Variants in UBE2D2 observed in about 807,000 individuals in gnomAD.
UBE2D2 encodes ubiquitin conjugating enzyme E2 D2.
In UBE2D2, 2 loss-of-function variants were observed where a neutral mutation model predicts 24.2. The observed-to-expected ratio is 0.08, with a 90% CI of 0.03 to 0.26. The LOEUF is 0.26. UBE2D2 is among the 10% of genes least tolerant of loss of function. The pLI is 1.00. For missense variants in UBE2D2, 44 were observed against 177.6 expected (o/e 0.25, Z 4.28); for synonymous variants, 58 against 56.5 (o/e 1.03, Z -0.12).
At position 139,526,649 on chromosome 5, in the gene UBE2D2, G is replaced by A. The variant is rs529532481; in HGVS notation, c.-64+37G>A. On this transcript the variant is annotated intron_variant, in intron 1 of 6. Coordinates refer to the UBE2D2 transcript ENST00000511725. ...CTTTGGAACTTGCCCCACTCCATCT[G>A]AGTGGAAGCGTGGCCTGATCACCCA... 4 of 152,348 alleles carry A rather than the reference G, an allele frequency of 2.6e-5. No individual in the cohort carries two copies. The East Asian group carries it at 7.7e-4, about 29-fold the overall frequency. 9.4% of individuals were successfully genotyped at this position (152,348 alleles called of 1,614,324 possible).
intron 1 of UBE2D2, among the ~76,000 whole-genome samples, chr5:139,589,306 C>T (rs964380847): frequency 6.6e-6 from 1 of 151,986 alleles, no homozygotes; most frequent in Non-Finnish European, 1.5e-5. Context: ...TGCTTGTATT[C>T]CCAGCACTTT....
chr5:139,529,357 C>T (rs373442859), intron 1 of UBE2D2, among the ~76,000 whole-genome samples: 1 of 152,080 alleles, frequency 6.6e-6, no homozygotes, highest in Non-Finnish European at 1.5e-5. Flanking sequence ...AAAATGTAAT[C>T]TTAAAATTTG....
At position 139,555,625 on chromosome 5, in the gene UBE2D2, C is replaced by CT. The variant is rs1357378096; in HGVS notation, c.-64+29016dup. On this transcript the variant is annotated intron_variant, in intron 1 of 6. Transcript: ENST00000511725. ...ATAAAATTGGTCATCTAAACTCCTA[C>CT]TTTAAGAATCTAGAAAAACGGCCAG... Among the ~76,000 whole-genome samples the CT allele has an allele frequency of 3.3e-5, 5 of 152,002 alleles. No individual in the cohort carries two copies. The East Asian group carries it at 9.6e-4, about 29-fold the overall frequency.
intron 1 of UBE2D2, among the ~76,000 whole-genome samples, chr5:139,573,735 T>C (rs1290414383): frequency 6.6e-6 from 1 of 152,050 alleles, no homozygotes; most frequent in Admixed American, 6.6e-5. Context: ...TTTGGGAGGC[T>C]GAGGCGGGCG....
At chr5:139,597,906 A>C (rs1346451825) in intron 1 of UBE2D2, among the ~76,000 whole-genome samples, 1 of 151,936 alleles carries the variant, frequency 6.6e-6, no homozygotes, top group Non-Finnish European at 1.5e-5. Context: ...TTCAAACTTT[A>C]TTTCTTTTTT....
rs908713439 is a variant in UBE2D2, at chr5:139,536,058, A to G, written c.-64+9446A>G. On this transcript the variant is annotated intron_variant, in intron 1 of 6. Coordinates refer to the UBE2D2 transcript ENST00000511725. ...CAGGCACCCACCACCACACCCGGCT[A>G]AGTTTTGTATTTTTATTTATGTATT... Among the ~76,000 whole-genome samples the G allele has an allele frequency of 2.6e-5, 4 of 150,998 alleles. No homozygotes were observed. In the East Asian group the frequency reaches 7.8e-4, roughly 30 times the overall value.
rs1754597069 is a variant in UBE2D2 at position 139,625,334 on chromosome 5, C to CT, written c.399-1421dup. 2.3e-5 allele frequency among the ~76,000 whole-genome samples: 3 copies of CT among 132,994 alleles called. No individual in the cohort carries two copies. The Admixed American group carries it at 2.5e-4, about 11-fold the overall frequency. The allele number at this position is 132,994 out of a possible 152,430, so 87.2% of individuals were successfully genotyped here. On this transcript the variant is annotated intron_variant, in intron 6 of 6. Coordinates refer to ENST00000398733, the MANE Select transcript of UBE2D2 (RefSeq NM_003339.3). ...CTCACTATGTTGCACAGGCTGGTCT[C>CT]TAATTCCTGGCCTCAAGCAGGCCTT...
At chr5:139,614,010 C>T (rs1754375934) in intron 2 of UBE2D2, among the ~76,000 whole-genome samples, 2 of 146,794 alleles carry the variant, frequency 1.4e-5, no homozygotes, top group Non-Finnish European at 3.0e-5. Flanking sequence ...TGCAATGAGC[C>T]GAAATTGCGC....
At chr5:139,612,681 G>A (rs984866684) in intron 2 of UBE2D2, among the ~76,000 whole-genome samples, 8 of 152,174 alleles carry the variant, frequency 5.3e-5, no homozygotes, top group Admixed American at 3.3e-4. Flanking sequence ...ATTGGGGGTT[G>A]TTAATTCTAG....
chr5:139,586,867 GTTTAC>G (rs1009638918), intron 1 of UBE2D2, among the ~76,000 whole-genome samples: 16 of 152,194 alleles, frequency 1.1e-4, no homozygotes, highest in African/African-American at 2.4e-4. Flanking sequence ...ATTTTAGTCC[GTTTAC>G]TTTATCAGCA....
intron 1 of UBE2D2, among the ~76,000 whole-genome samples, chr5:139,598,919 CTTTTTTT>C (rs36027909): frequency 3.5e-4 from 27 of 76,206 alleles, no homozygotes; most frequent in African/African-American, 5.7e-4. Context: ...AAATATATTC[CTTTTTTT>C]TTTTTTTTTT....
Position 139,569,728 on chromosome 5 carries a change from G to A in UBE2D2, c.24+7913G>A, listed in dbSNP as rs995921784. ...CTCAGGGCTGCTGTCTGGAAAGGCC[G>A]TGTGACCTACCAGGTAAGAGTAGGT... On this transcript the variant is annotated intron_variant, in intron 1 of 6. Transcript: ENST00000398733. Among the ~76,000 whole-genome samples the A allele has an allele frequency of 4.6e-5, 7 of 152,140 alleles. No individual in the cohort carries two copies. In the East Asian group the frequency reaches 7.7e-4, roughly 17 times the overall value.
chr5:139,587,316 A>T (rs1421314020), intron 1 of UBE2D2, among the ~76,000 whole-genome samples: 1 of 152,130 alleles, frequency 6.6e-6, no homozygotes, highest in African/African-American at 2.4e-5. Flanking sequence ...GGAGGGATGG[A>T]AGTCAGCAGC....
At chr5:139,588,031 A>G (rs952878899) in intron 1 of UBE2D2, among the ~76,000 whole-genome samples, 1 of 152,088 alleles carries the variant, frequency 6.6e-6, no homozygotes, top group African/African-American at 2.4e-5. Context: ...CTGTCTCTCC[A>G]TAGCTCACTG....
At chr5:139,544,781 T>C (rs113810234) in intron 1 of UBE2D2, among the ~76,000 whole-genome samples, 3 of 73,950 alleles carry the variant, frequency 4.1e-5, no homozygotes, top group Non-Finnish European at 2.5e-5. Flanking sequence ...TGTAGTTTGC[T>C]TTTTTTTTTC....
chr5:139,526,876 T>C (rs778945623), intron 1 of UBE2D2, among the ~76,000 whole-genome samples: 3 of 152,204 alleles, frequency 2.0e-5, no homozygotes, highest in Non-Finnish European at 4.4e-5. Flanking sequence ...TGGCTTAAAT[T>C]TTTTGGTATT....
intron 1 of UBE2D2, among the ~76,000 whole-genome samples, chr5:139,586,188 G>T (rs898110468): frequency 3.3e-5 from 5 of 151,206 alleles, no homozygotes; most frequent in Non-Finnish European, 7.4e-5. Flanking sequence ...GTCTAGCTTA[G>T]AATTTTTTTT....
At chr5:139,601,205 T>G (rs1337961927) in intron 2 of UBE2D2, among the ~76,000 whole-genome samples, 6 of 152,272 alleles carry the variant, frequency 3.9e-5, no homozygotes, top group African/African-American at 1.4e-4. Flanking sequence ...TTTGTTCCAC[T>G]TCATTTCAAC....
At chr5:139,529,214 G>C (rs1383031213) in intron 1 of UBE2D2, among the ~76,000 whole-genome samples, 4 of 152,172 alleles carry the variant, frequency 2.6e-5, no homozygotes, top group Non-Finnish European at 4.4e-5. Flanking sequence ...TCCAGGCAGT[G>C]ACCAGCCCAA....
Sources: gnomAD v4.1 joint callset for allele counts (sites outside exome capture counted in the v4.1 genomes callset) on GRCh38, gnomAD v4.1.1 for gene constraint, MANE v1.5 for transcripts, NCBI Gene and HGNC (gene_info 2026-07-23, HGNC 2026-07-21) for gene names.